Variants in SHOC2 observed in about 807,000 individuals in gnomAD.
SHOC2 encodes the protein leucine-rich repeat protein SHOC-2.
In SHOC2, 4 loss-of-function variants were observed where a neutral mutation model predicts 50.2. The ratio of observed to expected loss-of-function variants is 0.08; its 90% CI spans 0.04 to 0.18. The LOEUF (loss-of-function observed/expected upper bound fraction) is 0.18, where lower values mean the gene tolerates loss of function less well. Among genes scored for constraint, SHOC2 ranks in the 10% least tolerant of loss-of-function variants. The pLI, the probability that SHOC2 is intolerant of heterozygous loss-of-function variation, is 1.00. For missense variants in SHOC2, 388 were observed against 669.6 expected (o/e 0.58, Z 4.64); for synonymous variants, 218 against 244.5 (o/e 0.89, Z 1.01).
At chr10:110,937,401 T>C (rs144394546) in intron 1 of SHOC2, among the ~76,000 whole-genome samples, 1 of 152,294 alleles carries the variant, frequency 6.6e-6, no homozygotes, top group African/African-American at 2.4e-5. Flanking sequence ...AACTAATAGT[T>C]TTAAGATTTG....
At chr10:110,974,665 G>A (rs1205329817) in intron 2 of SHOC2, among the ~76,000 whole-genome samples, 2 of 151,638 alleles carry the variant, frequency 1.3e-5, no homozygotes, top group African/African-American at 2.4e-5. Flanking sequence ...CATCTTTGTG[G>A]CGTTTTTTTT....
At chr10:110,981,485 A>T (rs1427196138) in intron 2 of SHOC2, among the ~76,000 whole-genome samples, 1 of 152,230 alleles carries the variant, frequency 6.6e-6, no homozygotes, top group African/African-American at 2.4e-5. Context: ...AAAAGTTGAT[A>T]ATCTTCACTT....
At chr10:110,956,204 GA>G (rs1402319152) in intron 1 of SHOC2, among the ~76,000 whole-genome samples, 1 of 144,102 alleles carries the variant, frequency 6.9e-6, no homozygotes, top group Non-Finnish European at 1.5e-5. Flanking sequence ...TTTTTTTTTT[GA>G]GACGGAGTTT....
At chr10:110,995,802 G>C (rs548710045) in intron 3 of SHOC2, among the ~76,000 whole-genome samples, 4 of 152,278 alleles carry the variant, frequency 2.6e-5, no homozygotes, top group African/African-American at 9.6e-5. Flanking sequence ...GACCCTTACA[G>C]TGTAAAGTGC....
intron 1 of SHOC2, among the ~76,000 whole-genome samples, chr10:110,957,222 G>A (rs1847481140): frequency 6.6e-6 from 1 of 152,164 alleles, no homozygotes; most frequent in Non-Finnish European, 1.5e-5. Context: ...CAGCAAGATT[G>A]GTTAGAATAG....
chr10:111,001,864 C>G (rs1848382765), intron 4 of SHOC2, among the ~76,000 whole-genome samples: 1 of 152,038 alleles, frequency 6.6e-6, no homozygotes, highest in South Asian at 2.1e-4. Flanking sequence ...ATGGCAAAAC[C>G]CTGTCTCCAC....
chr10:110,956,945 T>A (rs1847476173), intron 1 of SHOC2, among the ~76,000 whole-genome samples: 2 of 152,126 alleles, frequency 1.3e-5, no homozygotes, highest in South Asian at 4.1e-4. Flanking sequence ...AAAGAAAAGG[T>A]TCTAGCTGAC....
At chr10:110,990,901 C>G (rs886169003) in intron 3 of SHOC2, among the ~76,000 whole-genome samples, 1 of 152,080 alleles carries the variant, frequency 6.6e-6, no homozygotes, top group Non-Finnish European at 1.5e-5. Context: ...CTATGTATAT[C>G]TTAGGATATT....
At position 110,964,181 on chromosome 10, in the gene SHOC2, C is replaced by G. The variant is rs1361694860; in HGVS notation, c.-178C>G. The G allele has an allele frequency of 1.7e-5, 14 of 845,636 alleles. No individual in the cohort carries two copies. Among genetic ancestry groups the G allele is most frequent in the Non-Finnish European group, 2.5e-5 (14 of 562,080 alleles). 52.4% of individuals were successfully genotyped at this position (845,636 alleles called of 1,614,324 possible). ...TATTTTACCAGTTGGAATGAATGAT[C>G]AGAAATGGGCATAGTGCTTTTAGAT... is the stretch of plus-strand genomic sequence containing the variant. On this transcript the variant is annotated 5_prime_UTR_variant, in exon 2 of 9. The change creates a new upstream start codon in the 5' untranslated region. Coordinates refer to ENST00000369452, the MANE Select transcript of SHOC2 (RefSeq NM_007373.4). This position sits in a 1 kb window ranked among gnomAD's most constrained non-coding sequence, Gnocchi z 4.9.
intron 2 of SHOC2, among the ~76,000 whole-genome samples, chr10:110,978,268 T>C (rs1847912372): frequency 6.6e-6 from 1 of 152,206 alleles, no homozygotes; most frequent in South Asian, 2.1e-4. Context: ...AGTTGCATCA[T>C]GGTGGTAAAT....
At chr10:110,970,700 T>C (rs1016251954) in intron 2 of SHOC2, among the ~76,000 whole-genome samples, 3 of 149,958 alleles carry the variant, frequency 2.0e-5, no homozygotes, top group African/African-American at 7.4e-5. Context: ...CCAGTATCTA[T>C]CTGTTTTTGT....
chr10:111,011,928 A>C lies in SHOC2; in HGVS notation c.*110A>C, dbSNP rs1252410751. On this transcript the variant is annotated 3_prime_UTR_variant, in exon 9 of 9. Transcript: ENST00000369452. Reference sequence around the variant, plus strand: ...ATTGGTATATGGCAGATTTATAAAAATTGCATTATGTGTTTCTGCTAATAG... The same window carrying C: ...ATTGGTATATGGCAGATTTATAAAACTTGCATTATGTGTTTCTGCTAATAG... 1.1e-6 allele frequency: 1 copy of C among 907,160 alleles called. No homozygotes were observed. Among genetic ancestry groups the C allele is most frequent in the African/African-American group, 1.7e-5 (1 of 60,286 alleles). The allele number at this position is 907,160 out of a possible 1,614,324, so 56.2% of individuals were successfully genotyped here.
intron 1 of SHOC2, among the ~76,000 whole-genome samples, chr10:110,961,411 T>C (rs1445550772): frequency 6.6e-6 from 1 of 152,232 alleles, no homozygotes; most frequent in East Asian, 1.9e-4. Context: ...ATCCAGAACT[T>C]AATTTTTGAC....
At chr10:110,998,409 G>A (rs763215256) in intron 3 of SHOC2, among the ~76,000 whole-genome samples, 1 of 151,856 alleles carries the variant, frequency 6.6e-6, no homozygotes, top group East Asian at 1.9e-4. Flanking sequence ...GAATTGACAC[G>A]TCTCACCAGA....
At chr10:111,008,641 T>G (rs1346726875) in intron 6 of SHOC2, among the ~76,000 whole-genome samples, 1 of 152,112 alleles carries the variant, frequency 6.6e-6, no homozygotes, top group Non-Finnish European at 1.5e-5. Context: ...ACTGTATATA[T>G]TTATTATGGG....
chr10:110,982,765 G>C (rs1161728301), intron 2 of SHOC2, among the ~76,000 whole-genome samples: 1 of 152,050 alleles, frequency 6.6e-6, no homozygotes, highest in Admixed American at 6.5e-5. Flanking sequence ...TTAAGTTCCT[G>C]ACATAGAAAT....
intron 1 of SHOC2, among the ~76,000 whole-genome samples, chr10:110,925,094 T>TAAA (rs1554853396): frequency 1.9e-4 from 22 of 118,876 alleles, no homozygotes; most frequent in Non-Finnish European, 2.5e-4. Context: ...AAAAAAAAAT[T>TAAA]AAAATAAAAA....
Position 111,011,598 on chromosome 10 carries a change from T to G in SHOC2, c.1541-12T>G. ...TAATTTTTAAAAAAAAATTGATTTT[T>G]TTTTTAAACAGGTACACTGGAGAAC... is the stretch of plus-strand genomic sequence containing the variant. On this transcript the variant is annotated splice_polypyrimidine_tract_variant and intron_variant, in intron 8 of 8. Coordinates refer to ENST00000369452, the MANE Select transcript of SHOC2 (RefSeq NM_007373.4). The G allele has an allele frequency of 6.2e-7, 1 of 1,606,260 alleles. No homozygotes were observed.
chr10:110,996,631 T>C (rs1590828064), intron 3 of SHOC2, among the ~76,000 whole-genome samples: 1 of 152,160 alleles, frequency 6.6e-6, no homozygotes, highest in Non-Finnish European at 1.5e-5. Flanking sequence ...TTGGAAGGGA[T>C]GAAACTGATA....
Sources: allele counts gnomAD v4.1 joint callset (sites outside exome capture counted in the v4.1 genomes callset), GRCh38; gene constraint gnomAD v4.1.1; non-coding constraint Gnocchi (gnomAD v3.1); transcripts MANE v1.5; gene names NCBI Gene and HGNC (gene_info 2026-07-23, HGNC 2026-07-21).